TMEM134: variants seen among roughly 807,000 people sequenced by gnomAD.
TMEM134 encodes transmembrane protein 134.
In TMEM134, 36 loss-of-function variants were observed where a neutral mutation model predicts 26.2. That is an observed-to-expected ratio of 1.37 (90% confidence interval 1.05 to 1.81). TMEM134 has a LOEUF of 1.81. TMEM134 is among the 40% of genes most tolerant of loss of function. The pLI, the probability that TMEM134 is intolerant of heterozygous loss-of-function variation, is 0.00. For synonymous variants in TMEM134, 133 were observed against 113.6 expected (o/e 1.17, Z -1.08); for missense variants, 339 against 263.5 (o/e 1.29, Z -1.98).
In TMEM134 at chr11:67,464,533, C is replaced by T; in HGVS notation, c.*81G>A. 7.0e-7 allele frequency: 1 copy of T among 1,423,112 alleles called. No homozygotes were observed. 88.2% of individuals were successfully genotyped at this position (1,423,112 alleles called of 1,614,324 possible). A position where few individuals can be genotyped will look rare whatever the true frequency, so the allele number is the denominator to read the frequency against. On this transcript the variant is annotated 3_prime_UTR_variant, in exon 7 of 7. Coordinates refer to ENST00000308022, the MANE Select transcript of TMEM134 (RefSeq NM_025124.4). The stretch of plus-strand genomic sequence containing the variant: ...CTGGGGTTTCGAGGGTCCTGGAGGG[C>T]CTCTTCCCTTGAGATGAGGGGAACG...
rs1367872756 is a variant in TMEM134, at chr11:67,464,688, C to T, written c.514G>A (p.Val172Met). The T allele has an allele frequency of 1.3e-6, 2 of 1,553,358 alleles. No individual in the cohort carries two copies. Among genetic ancestry groups the T allele is most frequent in the Non-Finnish European group, 1.7e-6 (2 of 1,147,846 alleles). The change falls in exon 7 of 7, where the codon GTG (valine) becomes ATG (methionine). Residue 172 changes from valine to methionine, a missense_variant. By Grantham distance (21) the Val-to-Met change is conservative (BLOSUM62 1). Coordinates refer to ENST00000308022, the MANE Select transcript of TMEM134 (RefSeq NM_025124.4). ...FLLLVPGVYH[V>M]IFIYCAVKGH... ...TTGACCGCGCAGTAGATGAAGATCACGTGATAGACTGCGGGGCGGGGCCTG... is the reference window on the plus strand; with the variant it reads ...TTGACCGCGCAGTAGATGAAGATCATGTGATAGACTGCGGGGCGGGGCCTG...
chr11:67,469,224 C>T lies in TMEM134; in HGVS notation c.-32G>A, dbSNP rs993775136. 1.8e-5 allele frequency: 23 copies of T among 1,252,530 alleles called. No homozygotes were observed. Among genetic ancestry groups the T allele is most frequent in the Admixed American group, 4.2e-5 (1 of 23,572 alleles). The allele number at this position is 1,252,530 out of a possible 1,614,324, so 77.6% of individuals were successfully genotyped here. A position where few individuals can be genotyped will look rare whatever the true frequency, so the allele number is the denominator to read the frequency against. On this transcript the variant is annotated 5_prime_UTR_variant, in exon 1 of 7. Coordinates refer to ENST00000308022, the MANE Select transcript of TMEM134 (RefSeq NM_025124.4). Reference sequence around the variant, plus strand: ...GGCCCGCTCAGGCGCCGTGCGCCGCCGCCATCTGCGCCCACACACCCAGCG... The same window carrying T: ...GGCCCGCTCAGGCGCCGTGCGCCGCTGCCATCTGCGCCCACACACCCAGCG...
In TMEM134 at chr11:67,464,368, T is replaced by C. The variant is rs1261334683; in HGVS notation, c.*246A>G. ...AGCAATTGCCTCTGGTGGAATTAAT[T>C]ACTCTTTTATTAGCACAAAATAACA... On this transcript the variant is annotated 3_prime_UTR_variant, in exon 7 of 7. Coordinates refer to ENST00000308022, the MANE Select transcript of TMEM134 (RefSeq NM_025124.4). The C allele has an allele frequency of 1.7e-6, 1 of 584,870 alleles. No individual in the cohort carries two copies. The highest frequency in any genetic ancestry group is 1.9e-5 in the African/African-American group (1 of 53,318). The allele number at this position is 584,870 out of a possible 1,614,324, so 36.2% of individuals were successfully genotyped here. A position where few individuals can be genotyped will look rare whatever the true frequency, so the allele number is the denominator to read the frequency against.
At chr11:67,467,107 T>C (rs147690938) in intron 4 of TMEM134, 1 of 600,964 alleles carries the variant, frequency 1.7e-6, no homozygotes, top group African/African-American at 1.9e-5. Flanking sequence ...GGTTCCATTT[T>C]CAGCTATGTG....
In TMEM134 at chr11:67,464,873, A is replaced by T; in HGVS notation, c.452-17T>A. On this transcript the variant is annotated splice_polypyrimidine_tract_variant and intron_variant, in intron 5 of 6. Transcript: ENST00000308022. ...TGGAGACACCTGCGGGAGGGACCAG[A>T]GCCCGGTCAGGGCGAGGGGGCGGAG... 6.2e-7 allele frequency: 1 copy of T among 1,609,760 alleles called. No individual in the cohort carries two copies. The highest frequency in any genetic ancestry group is 8.5e-7 in the Non-Finnish European group (1 of 1,179,498).
chr11:67,469,140 A>G lies in TMEM134; in HGVS notation c.53T>C (p.Leu18Pro). Residue 18 changes from leucine to proline, a missense_variant, in exon 1 of 7, where the codon CTG (leucine) becomes CCG (proline). By Grantham distance (98) the Leu-to-Pro change is moderately conservative (BLOSUM62 -3). Coordinates refer to ENST00000308022, the MANE Select transcript of TMEM134 (RefSeq NM_025124.4). The part of the protein sequence containing the change: ...FSIDDAFELS[L>P]EDGGPGPESS... ...CTCGGGCCCAGGGCCCCCGTCCTCC[A>G]GGGACAGCTCGAAGGCATCATCAAT... The G allele has an allele frequency of 2.7e-6, 4 of 1,486,124 alleles. No homozygotes were observed. Among genetic ancestry groups the G allele is most frequent in the Non-Finnish European group, 3.6e-6 (4 of 1,115,636 alleles). The allele number at this position is 1,486,124 out of a possible 1,614,324, so 92.1% of individuals were successfully genotyped here.
chr11:67,468,556 G>T (rs1865431062), intron 1 of TMEM134, among the ~76,000 whole-genome samples: 1 of 152,218 alleles, frequency 6.6e-6, no homozygotes, highest in African/African-American at 2.4e-5. Flanking sequence ...CATGTGAGAG[G>T]AGCTCCAGCT....
At position 67,469,013 on chromosome 11, in the gene TMEM134, G is replaced by C; in HGVS notation, c.174+6C>G. 1 of 1,491,830 alleles carries C rather than the reference G, an allele frequency of 6.7e-7. No homozygotes were observed. Among genetic ancestry groups the C allele is most frequent in the Non-Finnish European group, 8.9e-7 (1 of 1,121,520 alleles). 92.4% of individuals were successfully genotyped at this position (1,491,830 alleles called of 1,614,324 possible). ...GGCAGGGGGTTAGGTGGGCCGGGCG[G>C]TTCACCTGGTAGCGCAGCCGGGACT... On this transcript the variant is annotated splice_donor_region_variant and intron_variant, in intron 1 of 6. Transcript: ENST00000308022.
chr11:67,467,776 T>C (rs1023031780), intron 2 of TMEM134, 186 bp from the exon 3 acceptor site: 3 of 679,394 alleles, frequency 4.4e-6, no homozygotes, highest in African/African-American at 3.6e-5. Context: ...GGGGATTCTG[T>C]AGGACAGGTG....
At chr11:67,468,543 G>GA (rs1289901099) in intron 1 of TMEM134, among the ~76,000 whole-genome samples, 1 of 152,216 alleles carries the variant, frequency 6.6e-6, no homozygotes, top group Non-Finnish European at 1.5e-5. Flanking sequence ...GGCAAGGACT[G>GA]GTCATGTGAG....
intron 2 of TMEM134, 182 bp from the exon 3 acceptor site, chr11:67,467,772 T>A: frequency 1.5e-6 from 1 of 682,346 alleles, no homozygotes; most frequent in East Asian, 2.7e-5. Context: ...GCTAGGGGAT[T>A]CTGTAGGACA....
In TMEM134 at chr11:67,464,403, C is replaced by T; in HGVS notation, c.*211G>A. On this transcript the variant is annotated 3_prime_UTR_variant, in exon 7 of 7. Transcript: ENST00000308022. Reference sequence around the variant, plus strand: ...TTAGCACAAAATAACAGCAACCTAGCAGCCGCACGGCCCGAGAATAAGTTA... The same window carrying T: ...TTAGCACAAAATAACAGCAACCTAGTAGCCGCACGGCCCGAGAATAAGTTA... 1.6e-6 allele frequency: 1 copy of T among 609,800 alleles called. No homozygotes were observed. Among genetic ancestry groups the T allele is most frequent in the Non-Finnish European group, 2.9e-6 (1 of 340,924 alleles). The allele number at this position is 609,800 out of a possible 1,614,324, so 37.8% of individuals were successfully genotyped here.
rs1326182923 is a variant in TMEM134 at position 67,464,651 on chromosome 11, C to A, written c.551G>T (p.Gly184Val). ...FIYCAVKGHR[G>V]FQFFYLPYFE... ...GTAGGGCAGGTAGAAGAACTGGAAG[C>A]CCCGGTGGCCCTTGACCGCGCAGTA... Residue 184 changes from glycine to valine, a missense_variant, in exon 7 of 7, where the codon GGC (glycine) becomes GTC (valine). Physicochemically the swap from Gly to Val is moderately radical, Grantham distance 109. Coordinates refer to ENST00000308022, the MANE Select transcript of TMEM134 (RefSeq NM_025124.4). 1.3e-6 allele frequency: 2 copies of A among 1,553,726 alleles called. No homozygotes were observed. Among genetic ancestry groups the A allele is most frequent in the African/African-American group, 1.4e-5 (1 of 73,310 alleles).
rs1013120868 is a variant in TMEM134 at position 67,469,066 on chromosome 11, G to A, written c.127C>T (p.Arg43Trp). 61 of 1,516,132 alleles carry A rather than the reference G, an allele frequency of 4.0e-5. No individual in the cohort carries two copies. The highest frequency in any genetic ancestry group is 5.2e-5 in the Non-Finnish European group (59 of 1,133,052). 93.9% of individuals were successfully genotyped at this position (1,516,132 alleles called of 1,614,324 possible). Reference sequence around the variant, plus strand: ...TTGTCCTCGTCAGCCACCTCGAACCGGGCCCGACGCTCGAAGTGCAGCGGC... The same window carrying A: ...TTGTCCTCGTCAGCCACCTCGAACCAGGCCCGACGCTCGAAGTGCAGCGGC... ...FGPLHFERRARFEVADEDKQS... is the reference protein window; with the variant it reads ...FGPLHFERRAWFEVADEDKQS... Residue 43 changes from arginine (R) to tryptophan (W), a missense_variant, in exon 1 of 7, where the codon CGG (arginine) becomes TGG (tryptophan). Physicochemically the swap from Arg to Trp is moderately radical, Grantham distance 101. Transcript: ENST00000308022.
At position 67,464,837 on chromosome 11, in the gene TMEM134, G is replaced by C; in HGVS notation, c.471C>G (p.Phe157Leu). The change falls in exon 6 of 7, where the codon TTC becomes TTG. Residue 157 changes from phenylalanine (F) to leucine (L), a missense_variant. Transcript: ENST00000308022. ...TPSPGVSSAI[F>L]FVPGFLLLVP... is the part of the protein sequence containing the mutation. Reference sequence around the variant, plus strand: ...CCAACAACAGGAAGCCCGGCACGAAGAAGATGGCGCTGGAGACACCTGCGG... The same window carrying C: ...CCAACAACAGGAAGCCCGGCACGAACAAGATGGCGCTGGAGACACCTGCGG... 1 of 1,610,546 alleles carries C rather than the reference G, an allele frequency of 6.2e-7. No individual in the cohort carries two copies. Among genetic ancestry groups the C allele is most frequent in the Non-Finnish European group, 8.5e-7 (1 of 1,179,750 alleles).
chr11:67,468,510 G>A (rs1865426146), intron 1 of TMEM134, among the ~76,000 whole-genome samples: 1 of 152,204 alleles, frequency 6.6e-6, no homozygotes, highest in Non-Finnish European at 1.5e-5. Flanking sequence ...GGGTTTTTCT[G>A]GTTTAGTGGG....
In TMEM134 at chr11:67,469,060, C is replaced by T; in HGVS notation, c.133G>A (p.Glu45Lys). Residue 45 changes from glutamate to lysine, a missense_variant, in exon 1 of 7, where the codon GAG (glutamate) becomes AAG (lysine). Glu to Lys is a moderately conservative substitution (Grantham distance 56). Transcript: ENST00000308022. ...PLHFERRARF[E>K]VADEDKQSRL... Reference sequence around the variant, plus strand: ...GACTGCTTGTCCTCGTCAGCCACCTCGAACCGGGCCCGACGCTCGAAGTGC... The same window carrying T: ...GACTGCTTGTCCTCGTCAGCCACCTTGAACCGGGCCCGACGCTCGAAGTGC... The T allele has an allele frequency of 6.6e-7, 1 of 1,517,008 alleles. No individual in the cohort carries two copies. The highest frequency in any genetic ancestry group is 1.2e-5 in the South Asian group (1 of 82,460). The allele number at this position is 1,517,008 out of a possible 1,614,324, so 94.0% of individuals were successfully genotyped here.
At chr11:67,467,454 G>A (rs772295613) in intron 3 of TMEM134, 47 bp downstream of exon 3, 1 of 1,612,528 alleles carries the variant, frequency 6.2e-7, no homozygotes, top group South Asian at 1.1e-5. Flanking sequence ...AGGCTGTGGG[G>A]GTGGAGCCAG....
At position 67,469,030 on chromosome 11, in the gene TMEM134, G is replaced by T. The variant is rs1285457545; in HGVS notation, c.163C>A (p.Leu55Met). The T allele has an allele frequency of 1.3e-6, 2 of 1,510,454 alleles. No homozygotes were observed. Among genetic ancestry groups the T allele is most frequent in the Non-Finnish European group, 1.8e-6 (2 of 1,131,162 alleles). The allele number at this position is 1,510,454 out of a possible 1,614,324, so 93.6% of individuals were successfully genotyped here. A position where few individuals can be genotyped will look rare whatever the true frequency, so the allele number is the denominator to read the frequency against. The change falls in exon 1 of 7, where the codon CTG becomes ATG. Residue 55 changes from leucine (L) to methionine (M), a missense_variant. Coordinates refer to ENST00000308022, the MANE Select transcript of TMEM134 (RefSeq NM_025124.4). ...GCCGGGCGGTTCACCTGGTAGCGCA[G>T]CCGGGACTGCTTGTCCTCGTCAGCC... is the stretch of plus-strand genomic sequence containing the variant. ...EVADEDKQSR[L>M]RYQNLENDED...
Sources: gnomAD v4.1 joint callset for allele counts (sites outside exome capture counted in the v4.1 genomes callset) on GRCh38, gnomAD v4.1.1 for gene constraint, MANE v1.5 for transcripts, NCBI Gene and HGNC (gene_info 2026-07-23, HGNC 2026-07-21) for gene names.